ACTR3C: variants seen among roughly 807,000 people sequenced by gnomAD.
ACTR3C encodes actin related protein 3C, also known as actin-related protein 3C.
ACTR3C carries 18 observed loss-of-function variants against 26.3 expected under a neutral mutation model. The ratio of observed to expected loss-of-function variants is 0.68; its 90% confidence interval spans 0.47 to 1.01. The LOEUF (loss-of-function observed/expected upper bound fraction) is 1.01. Among genes scored for constraint, ACTR3C ranks in the 50% least tolerant of loss-of-function variants. ACTR3C has a pLI of 0.00. For synonymous variants in ACTR3C, 55 were observed against 94.5 expected (o/e 0.58, Z 2.42); for missense variants, 184 against 250.7 (o/e 0.73, Z 1.80).
the ACTR3C span, among the ~76,000 whole-genome samples, chr7:149,903,322 T>C: frequency 1.3e-5 from 2 of 151,784 alleles, no homozygotes; most frequent in African/African-American, 2.4e-5. Context: ...GGCAATACAA[T>C]AGTCTGCATA....
chr7:150,037,702 T>C, the ACTR3C span, among the ~76,000 whole-genome samples: 1,771 of 76,024 alleles, frequency 0.023, 15 homozygotes, highest in African/African-American at 0.029. Context: ...TTAGGATCAA[T>C]GATGGGGGGT....
At chr7:150,273,134 A>G (rs17134508) in intron 6 of ACTR3C, among the ~76,000 whole-genome samples, 22,249 of 146,026 alleles carry the variant, frequency 0.15, 2,416 homozygotes, top group African/African-American at 0.28. Context: ...ATTATCCCAC[A>G]CAACAGTCTG....
the ACTR3C span, among the ~76,000 whole-genome samples, chr7:150,161,048 G>C: frequency 6.6e-6 from 1 of 150,536 alleles, no homozygotes; most frequent in African/African-American, 2.5e-5. Context: ...GGACAGGAGT[G>C]ACCAGAGGCA....
At chr7:150,169,589 C>T in the ACTR3C span, among the ~76,000 whole-genome samples, 4 of 150,386 alleles carry the variant, frequency 2.7e-5, no homozygotes, top group African/African-American at 1.0e-4. Context: ...AGCCACCAGT[C>T]TGTGGTAGTT....
At chr7:150,047,542 G>T in the ACTR3C span, 1 of 357,318 alleles carries the variant, frequency 2.8e-6, no homozygotes, top group South Asian at 1.1e-4. Flanking sequence ...GCCCCCGGCC[G>T]ACGCGTCTCG....
At chr7:150,271,067 C>A (rs1222630084) in intron 6 of ACTR3C, among the ~76,000 whole-genome samples, 1 of 147,640 alleles carries the variant, frequency 6.8e-6, no homozygotes, top group Admixed American at 6.6e-5. Flanking sequence ...TGAGGTGGAA[C>A]CCTGCCCTTG....
chr7:149,970,939 A>G, the ACTR3C span, among the ~76,000 whole-genome samples: 2 of 152,200 alleles, frequency 1.3e-5, no homozygotes, highest in South Asian at 4.1e-4. Context: ...CTACCCAGTT[A>G]AGAACTGCAT....
the ACTR3C span, among the ~76,000 whole-genome samples, chr7:150,064,456 T>C: frequency 6.9e-6 from 1 of 145,218 alleles, no homozygotes; most frequent in Non-Finnish European, 1.5e-5. Flanking sequence ...TCCCAGCTAC[T>C]GGCAAGGCTG....
intron 1 of ACTR3C, among the ~76,000 whole-genome samples, chr7:150,322,221 T>C (rs761074769): frequency 6.6e-6 from 1 of 152,086 alleles, no homozygotes. Context: ...GTGTCAGAGG[T>C]GTTTAAGCCA....
At chr7:150,027,189 C>T in the ACTR3C span, among the ~76,000 whole-genome samples, 34 of 152,182 alleles carry the variant, frequency 2.2e-4, no homozygotes, top group Admixed American at 2.0e-3. Flanking sequence ...TGCTGCCTTA[C>T]CTAAATTCCT....
chr7:150,180,241 C>T, the ACTR3C span, among the ~76,000 whole-genome samples: 1 of 149,806 alleles, frequency 6.7e-6, no homozygotes, highest in South Asian at 2.1e-4. Flanking sequence ...GGAGGCGGAG[C>T]TTGCAGTGAG....
At chr7:150,114,322 C>A in the ACTR3C span, among the ~76,000 whole-genome samples, 5 of 152,110 alleles carry the variant, frequency 3.3e-5, no homozygotes, top group Admixed American at 1.3e-4. Flanking sequence ...TATATTATTT[C>A]TATTTGCCTA....
chr7:150,014,208 C>A, the ACTR3C span, among the ~76,000 whole-genome samples: 2 of 152,170 alleles, frequency 1.3e-5, no homozygotes, highest in Admixed American at 1.3e-4. Flanking sequence ...GTAATCCCAG[C>A]ACTTTGGGAG....
the ACTR3C span, among the ~76,000 whole-genome samples, chr7:150,036,237 T>C: frequency 6.8e-6 from 1 of 146,814 alleles, no homozygotes; most frequent in East Asian, 1.9e-4. Context: ...ATGGGGGGCC[T>C]TTATGTTCAG....
At chr7:150,148,114 A>G in the ACTR3C span, among the ~76,000 whole-genome samples, 3 of 147,516 alleles carry the variant, frequency 2.0e-5, no homozygotes, top group East Asian at 2.0e-4. Context: ...CCCTTTACCT[A>G]TATAACAAAC....
At chr7:150,212,267 T>C in the ACTR3C span, among the ~76,000 whole-genome samples, 5 of 147,960 alleles carry the variant, frequency 3.4e-5, no homozygotes, top group Non-Finnish European at 7.4e-5. Flanking sequence ...ATTTGAGGTA[T>C]AGCTTTTGAC....
chr7:150,175,764 A>G, the ACTR3C span, among the ~76,000 whole-genome samples: 2 of 145,348 alleles, frequency 1.4e-5, no homozygotes, highest in African/African-American at 2.7e-5. Flanking sequence ...GCAGTGAGCC[A>G]AGATCCTGCC....
the ACTR3C span, among the ~76,000 whole-genome samples, chr7:149,917,235 C>G: frequency 1.3e-5 from 2 of 152,128 alleles, no homozygotes; most frequent in African/African-American, 4.8e-5. Flanking sequence ...GCCACTACGC[C>G]CAGCTAATTT....
At chr7:150,112,796 G>T in the ACTR3C span, among the ~76,000 whole-genome samples, 1 of 152,154 alleles carries the variant, frequency 6.6e-6, no homozygotes, top group Non-Finnish European at 1.5e-5. Flanking sequence ...CTGGCTTCCA[G>T]GGTTCAGGTC....
Sources: allele counts gnomAD v4.1 joint callset (sites outside exome capture counted in the v4.1 genomes callset), GRCh38; gene constraint gnomAD v4.1.1; transcripts MANE v1.5; gene names NCBI Gene and HGNC (gene_info 2026-07-23, HGNC 2026-07-21).